PHC3: variants seen among roughly 807,000 people sequenced by gnomAD.
The protein encoded by PHC3 is polyhomeotic-like protein 3.
In PHC3, 13 loss-of-function variants were observed where a neutral mutation model predicts 107.4. The ratio of observed to expected loss-of-function variants is 0.12; its 90% CI spans 0.08 to 0.19. PHC3 has a LOEUF of 0.19. Ranked by LOEUF, PHC3 falls within the 10% of genes least tolerant of loss-of-function variation. The pLI, the probability that PHC3 is intolerant of heterozygous loss-of-function variation, is 1.00. For missense variants in PHC3, 992 were observed against 1,210.9 expected (o/e 0.82, Z 2.68); for synonymous variants, 456 against 427.4 (o/e 1.07, Z -0.83).
intron 6 of PHC3, among the ~76,000 whole-genome samples, chr3:170,141,822 T>G (rs1724166267): frequency 6.6e-6 from 1 of 152,124 alleles, no homozygotes; most frequent in South Asian, 2.1e-4. Context: ...CAGGTTGGTC[T>G]CGAACTCCTG....
chr3:170,150,531 T>TTAAA, intron 4 of PHC3: 1 of 74,116 alleles, frequency 1.3e-5, no homozygotes, highest in Non-Finnish European at 2.5e-5. Flanking sequence ...CTGTCTCTAC[T>TTAAA]AAAAAAAAAA....
At chr3:170,162,902 T>G (rs1198611054) in intron 4 of PHC3, among the ~76,000 whole-genome samples, 2 of 152,198 alleles carry the variant, frequency 1.3e-5, no homozygotes, top group East Asian at 3.8e-4. Context: ...CTCCTCACCA[T>G]TCTTAAAAAG....
rs988095708 is a variant in PHC3 at position 170,093,776 on chromosome 3, G to C, written c.*3454C>G. ...TATAATTTTATACTTGATACATGAA[G>C]ATAAGCTACGTCAAAAATTATTCAA... On this transcript the variant is annotated 3_prime_UTR_variant, in exon 15 of 15. Coordinates refer to ENST00000495893, the MANE Select transcript of PHC3 (RefSeq NM_024947.4). 2.0e-5 allele frequency: 3 copies of C among 152,170 alleles called. No homozygotes were observed. The allele number at this position is 152,170 out of a possible 1,614,324, so 9.4% of individuals were successfully genotyped here.
intron 11 of PHC3, among the ~76,000 whole-genome samples, chr3:170,107,886 A>T (rs550124783): frequency 6.6e-6 from 1 of 152,260 alleles, no homozygotes; most frequent in East Asian, 1.9e-4. Flanking sequence ...GCAAACAACT[A>T]AATCTTCATG....
At chr3:170,146,981 C>T (rs1039446595) in intron 5 of PHC3, among the ~76,000 whole-genome samples, 15 of 145,164 alleles carry the variant, frequency 1.0e-4, no homozygotes, top group African/African-American at 3.9e-4. Context: ...CTTCCGAGTT[C>T]AAGTGATTCT....
intron 7 of PHC3, 172 bp downstream of exon 7, chr3:170,136,247 T>C: frequency 1.4e-6 from 1 of 694,708 alleles, no homozygotes; most frequent in Non-Finnish European, 2.3e-6. Flanking sequence ...ATTTTATCTT[T>C]TGGGCTTTTT....
At chr3:170,126,954 T>A (rs1454276567) in intron 8 of PHC3, among the ~76,000 whole-genome samples, 3 of 151,908 alleles carry the variant, frequency 2.0e-5, no homozygotes, top group African/African-American at 7.3e-5. Context: ...TTAAATTGTA[T>A]TTTTTTTCTT....
At chr3:170,144,145 C>G (rs150962879) in intron 6 of PHC3, among the ~76,000 whole-genome samples, 1,755 of 147,182 alleles carry the variant, frequency 0.012, 35 homozygotes, top group African/African-American at 0.042. Context: ...CATGGTGAAA[C>G]CCTGTTTCTA....
At chr3:170,137,315 C>A (rs1723257779) in intron 6 of PHC3, among the ~76,000 whole-genome samples, 1 of 152,102 alleles carries the variant, frequency 6.6e-6, no homozygotes, top group Non-Finnish European at 1.5e-5. Flanking sequence ...ATGGTGGCTC[C>A]TGCTACACTC....
In PHC3 at chr3:170,102,812, A is replaced by G; in HGVS notation, c.2591T>C (p.Ile864Thr). 1.9e-6 allele frequency: 3 copies of G among 1,613,902 alleles called. No individual in the cohort carries two copies. Among genetic ancestry groups the G allele is most frequent in the Non-Finnish European group, 2.5e-6 (3 of 1,179,850 alleles). ...SGPDGAAREH[I>T]LRQLPITYPS... ...AAGGTTTATACAGACCTGCCTAAGG[A>G]TATGTTCTCTCGCTGCCCCATCAGG... The change falls in exon 13 of 15, where the codon ATC becomes ACC. Residue 864 changes from isoleucine to threonine, a missense_variant. By Grantham distance (89) the Ile-to-Thr change is moderately conservative. This residue lies in a region of PHC3 where 228 missense variants were observed against 288.8 expected (regional missense o/e 0.79). Transcript: ENST00000495893.
intron 12 of PHC3, among the ~76,000 whole-genome samples, chr3:170,105,696 C>T (rs1168425647): frequency 3.9e-5 from 6 of 152,136 alleles, no homozygotes; most frequent in African/African-American, 4.8e-5. Flanking sequence ...AAATACAGTA[C>T]AAGCTATAGT....
At chr3:170,172,892 CATTAAAA>C (rs1729833122) in intron 2 of PHC3, among the ~76,000 whole-genome samples, 180 bp from the exon 3 acceptor site, 3 of 152,134 alleles carry the variant, frequency 2.0e-5, no homozygotes, top group Non-Finnish European at 4.4e-5. Context: ...AACTTGTACA[CATTAAAA>C]CTACCCAGTG....
chr3:170,149,476 G>A (rs1024606085), intron 4 of PHC3, among the ~76,000 whole-genome samples: 1 of 151,376 alleles, frequency 6.6e-6, no homozygotes, highest in African/African-American at 2.4e-5. Flanking sequence ...TTTTTAAGAT[G>A]GGAGTTTCGC....
At chr3:170,155,693 C>T (rs1353844209) in intron 4 of PHC3, among the ~76,000 whole-genome samples, 1 of 152,024 alleles carries the variant, frequency 6.6e-6, no homozygotes, top group Admixed American at 6.6e-5. Flanking sequence ...TGCACTCCAA[C>T]CTGGGTGACA....
At chr3:170,136,692 G>A (rs1243000842) in intron 6 of PHC3, 27 bp from the exon 7 acceptor site, 4 of 1,603,966 alleles carry the variant, frequency 2.5e-6, no homozygotes, top group African/African-American at 1.3e-5. Context: ...AGAAAATTAG[G>A]ATGAAAACAG....
In PHC3 at chr3:170,102,583, C is replaced by G. The variant is rs1466968209; in HGVS notation, c.2729G>C (p.Arg910Thr). 6.2e-7 allele frequency: 1 copy of G among 1,613,938 alleles called. No homozygotes were observed. Among genetic ancestry groups the G allele is most frequent in the Non-Finnish European group, 8.5e-7 (1 of 1,179,856 alleles). Residue 910 changes from arginine (R) to threonine (T), a missense_variant, in exon 14 of 15, where the codon AGA (arginine) becomes ACA (threonine). Coordinates refer to ENST00000495893, the MANE Select transcript of PHC3 (RefSeq NM_024947.4). ...ACTGTTCTCAGGCATTTTCCGAATT[C>G]TCACATCCCGAAGCTCACGTTCTCT... The part of the protein sequence containing the change: ...RERERELRDV[R>T]IRKMPENSDL...
intron 8 of PHC3, among the ~76,000 whole-genome samples, chr3:170,123,510 C>A (rs1446809245): frequency 6.6e-6 from 1 of 152,020 alleles, no homozygotes; most frequent in African/African-American, 2.4e-5. Flanking sequence ...GAAAATGGGG[C>A]CAGGTGCAGT....
chr3:170,129,245 C>A lies in PHC3; in HGVS notation c.1227G>T (p.Val409=), dbSNP rs764466601. Residue 409 remains valine (V), a synonymous_variant, in exon 8 of 15, where the codon GTG becomes GTT. Transcript: ENST00000495893. ...GTGAATGAGGTGGTGGAGGAGACAC[C>A]ACTACAGACTGCTGTGCTGACTGTG... is the stretch of plus-strand genomic sequence containing the variant. ...NQSQSAQQSV[V]VSPPPPHSPS... 13 of 1,613,522 alleles carry A rather than the reference C, an allele frequency of 8.1e-6. No individual in the cohort carries two copies. The highest frequency in any genetic ancestry group is 1.7e-6 in the Non-Finnish European group (2 of 1,179,658).
At chr3:170,098,810 T>C (rs574614477) in intron 14 of PHC3, among the ~76,000 whole-genome samples, 20 of 152,298 alleles carry the variant, frequency 1.3e-4, no homozygotes, top group African/African-American at 2.4e-4. Context: ...CTTTGAAAAA[T>C]TGACATTTCA....
Sources: gnomAD v4.1 joint callset for allele counts (sites outside exome capture counted in the v4.1 genomes callset) on GRCh38, gnomAD v4.1.1 for gene constraint, gnomAD v4.1.1 regional missense constraint, MANE v1.5 for transcripts, NCBI Gene and HGNC (gene_info 2026-07-23, HGNC 2026-07-21) for gene names.